Variants in NEURL1B observed in about 807,000 individuals in gnomAD.
NEURL1B encodes the protein neuralized E3 ubiquitin protein ligase 1B, also known as E3 ubiquitin-protein ligase NEURL1B.
A neutral mutation model predicts 37.4 loss-of-function variants in NEURL1B; 13 were observed. The ratio of observed to expected loss-of-function variants is 0.35; its 90% CI spans 0.23 to 0.55. The LOEUF (loss-of-function observed/expected upper bound fraction) is 0.55. NEURL1B is among the 20% of genes least tolerant of loss of function. The pLI is 0.89. For missense variants in NEURL1B, 790 were observed against 879.2 expected (o/e 0.90, Z 1.28); for synonymous variants, 432 against 426.6 (o/e 1.01, Z -0.16).
chr5:172,646,660 C>T lies in NEURL1B; in HGVS notation c.31+5223C>T, dbSNP rs185223575. Among the ~76,000 whole-genome samples the T allele has an allele frequency of 2.2e-3, 342 of 152,228 alleles. 2 individuals carry two copies. Among genetic ancestry groups the T allele is most frequent in the African/African-American group, 7.6e-3 (317 of 41,542 alleles). On this transcript the variant is annotated intron_variant, in intron 1 of 4. Coordinates refer to ENST00000369800, the MANE Select transcript of NEURL1B (RefSeq NM_001142651.3). ...GGACTCAAGTTCTAGCAGGAGAGAC[C>T]GACAAAGACACAGCAGTTACAGTAC...
chr5:172,663,297 TGGATCACAAGGTCA>T (rs1293750140), intron 1 of NEURL1B, among the ~76,000 whole-genome samples: 1 of 151,048 alleles, frequency 6.6e-6, no homozygotes, highest in Non-Finnish European at 1.5e-5. Context: ...CTGAGGCAGG[TGGATCACAAGGTCA>T]GGAGTTCGAA....
At position 172,641,619 on chromosome 5, in the gene NEURL1B, G is replaced by A. The variant is rs988763151; in HGVS notation, c.31+182G>A. ...GCCCCGCGGCTGGGCTTTGCGCCCC[G>A]GGAGGGCGGGTACCGCGTCCTGGTT... On this transcript the variant is annotated intron_variant, in intron 1 of 4. Coordinates refer to ENST00000369800, the MANE Select transcript of NEURL1B (RefSeq NM_001142651.3). The surrounding 1 kb of genome is among the most constrained non-coding windows in gnomAD (Gnocchi z 6.4). 2.0e-5 allele frequency among the ~76,000 whole-genome samples: 3 copies of A among 151,990 alleles called. No homozygotes were observed. The highest frequency in any genetic ancestry group is 2.0e-4 in the East Asian group (1 of 5,128).
intron 1 of NEURL1B, among the ~76,000 whole-genome samples, chr5:172,644,069 G>A (rs1173649881): frequency 1.3e-5 from 2 of 152,112 alleles, no homozygotes; most frequent in Non-Finnish European, 2.9e-5. Flanking sequence ...GCGACACGCT[G>A]TATGTGTAGT....
chr5:172,680,639 A>T (rs1758333482), intron 2 of NEURL1B, among the ~76,000 whole-genome samples: 1 of 152,210 alleles, frequency 6.6e-6, no homozygotes, highest in Admixed American at 6.5e-5. Flanking sequence ...GAAAAAGAGA[A>T]AACTAGAAAA....
intron 3 of NEURL1B, among the ~76,000 whole-genome samples, chr5:172,684,478 TATCC>T (rs1758444060): frequency 1.3e-5 from 2 of 152,204 alleles, no homozygotes; most frequent in African/African-American, 4.8e-5. Flanking sequence ...TGGCAGGCTA[TATCC>T]CCTCGGTAAA....
intron 3 of NEURL1B, 88 bp downstream of exon 3, chr5:172,684,226 C>T (rs1758435779): frequency 3.6e-6 from 4 of 1,096,126 alleles, no homozygotes; most frequent in Admixed American, 4.5e-5. Context: ...CGGCCCCGCC[C>T]CTCTCGCTAG....
rs1056240083 is a variant in NEURL1B, at chr5:172,665,992, ATGAACGTT to A, written c.32-3791_32-3784del. 2.0e-5 allele frequency among the ~76,000 whole-genome samples: 3 copies of A among 152,186 alleles called. No homozygotes were observed. The highest frequency in any genetic ancestry group is 7.2e-5 in the African/African-American group (3 of 41,438). ...GATGAAGAAATGAATGAGCAGTGGA[ATGAACGTT>A]TTGTCTGCTGCCTGTGCCAGTCCAG... On this transcript the variant is annotated intron_variant, in intron 1 of 4. Coordinates refer to ENST00000369800, the MANE Select transcript of NEURL1B (RefSeq NM_001142651.3). This position sits in a 1 kb window ranked among gnomAD's most constrained non-coding sequence, Gnocchi z 4.1.
At position 172,669,771 on chromosome 5, in the gene NEURL1B, G is replaced by C; in HGVS notation, c.32-14G>C. Reference sequence around the variant, plus strand: ...CGGAGGAGGCCTAACCGTGCTGCCTGTGTCTTTCCGCAGACCCGAGCCCAC... The same window carrying C: ...CGGAGGAGGCCTAACCGTGCTGCCTCTGTCTTTCCGCAGACCCGAGCCCAC... On this transcript the variant is annotated splice_polypyrimidine_tract_variant and intron_variant, in intron 1 of 4. Coordinates refer to ENST00000369800, the MANE Select transcript of NEURL1B (RefSeq NM_001142651.3). 8.0e-7 allele frequency: 1 copy of C among 1,252,780 alleles called. No individual in the cohort carries two copies. The highest frequency in any genetic ancestry group is 1.0e-6 in the Non-Finnish European group (1 of 989,622). 77.6% of individuals were successfully genotyped at this position (1,252,780 alleles called of 1,614,324 possible). A position where few individuals can be genotyped will look rare whatever the true frequency, so the allele number is the denominator to read the frequency against.
At position 172,675,128 on chromosome 5, in the gene NEURL1B, C is replaced by T. The variant is rs537966495; in HGVS notation, c.577+4798C>T. Among the ~76,000 whole-genome samples, 48 of 152,268 alleles carry T rather than the reference C, an allele frequency of 3.2e-4. No homozygotes were observed. Among genetic ancestry groups the T allele is most frequent in the African/African-American group, 8.9e-4 (37 of 41,540 alleles). ...CTGACCTCAGGTGATCCGCCCGCCT[C>T]GGCCTCCAAAAGTGCTGGGATTACA... On this transcript the variant is annotated intron_variant, in intron 2 of 4. Transcript: ENST00000369800. This position sits in a 1 kb window ranked among gnomAD's most constrained non-coding sequence, Gnocchi z 4.7.
At chr5:172,646,734 G>C (rs1757568069) in intron 1 of NEURL1B, among the ~76,000 whole-genome samples, 1 of 152,154 alleles carries the variant, frequency 6.6e-6, no homozygotes, top group Non-Finnish European at 1.5e-5. Flanking sequence ...GAAGATGCAG[G>C]GGAGGCTTCC....
intron 1 of NEURL1B, among the ~76,000 whole-genome samples, chr5:172,644,631 T>G (rs1042494412): frequency 6.0e-5 from 9 of 149,028 alleles, no homozygotes; most frequent in Admixed American, 5.4e-4. Flanking sequence ...TGCTCTACAC[T>G]CTCTTTCCAG....
chr5:172,654,989 TTCTC>T (rs1186533627), intron 1 of NEURL1B, among the ~76,000 whole-genome samples: 1 of 151,994 alleles, frequency 6.6e-6, no homozygotes, highest in South Asian at 2.1e-4. Context: ...TTTCTGTCTC[TTCTC>T]TCTCTTTCCC....
rs546071009 is a variant in NEURL1B, at chr5:172,674,523, G to A, written c.577+4193G>A. 7.9e-5 allele frequency among the ~76,000 whole-genome samples: 12 copies of A among 152,120 alleles called. No individual in the cohort carries two copies. The South Asian group carries it at 1.5e-3, about 18-fold the overall frequency. ...AGACTGCTGCGGCAGTATTTAGTTC[G>A]CATTGTGCTCACCTGGGGAGCTTTG... On this transcript the variant is annotated intron_variant, in intron 2 of 4. Coordinates refer to ENST00000369800, the MANE Select transcript of NEURL1B (RefSeq NM_001142651.3).
chr5:172,666,888 T>C (rs1217226682), intron 1 of NEURL1B, among the ~76,000 whole-genome samples: 1 of 152,136 alleles, frequency 6.6e-6, no homozygotes, highest in Non-Finnish European at 1.5e-5. Flanking sequence ...ACCTTGAGCT[T>C]GGGCAGACCC....
At chr5:172,648,709 AT>A (rs1479857020) in intron 1 of NEURL1B, among the ~76,000 whole-genome samples, 1 of 152,256 alleles carries the variant, frequency 6.6e-6, no homozygotes, top group East Asian at 1.9e-4. Flanking sequence ...CTCTGTAAGC[AT>A]TTAGAAATCT....
intron 1 of NEURL1B, among the ~76,000 whole-genome samples, chr5:172,664,791 A>G (rs1206963802): frequency 1.3e-5 from 2 of 152,188 alleles, no homozygotes; most frequent in Non-Finnish European, 2.9e-5. Context: ...TTTTAACTCT[A>G]GTTTTCTTTA....
At chr5:172,684,215 C>A in intron 3 of NEURL1B, 77 bp downstream of exon 3, 1 of 1,119,216 alleles carries the variant, frequency 8.9e-7, no homozygotes, top group Non-Finnish European at 1.1e-6. Context: ...GCGCTCTTCC[C>A]CGGCCCCGCC....
chr5:172,674,773 A>C (rs1455391987), intron 2 of NEURL1B, among the ~76,000 whole-genome samples: 2 of 152,134 alleles, frequency 1.3e-5, no homozygotes, highest in Non-Finnish European at 2.9e-5. Context: ...TCATTGGGCC[A>C]TGTAGACCCT....
Position 172,670,041 on chromosome 5 carries a change from G to T in NEURL1B, c.288G>T (p.Ala96=). 1.3e-6 allele frequency: 2 copies of T among 1,508,194 alleles called. No individual in the cohort carries two copies. The highest frequency in any genetic ancestry group is 2.5e-5 in the South Asian group (2 of 80,676). 93.4% of individuals were successfully genotyped at this position (1,508,194 alleles called of 1,614,324 possible). Residue 96 remains alanine (A), a synonymous_variant, in exon 2 of 5, where the codon GCG becomes GCT. Transcript: ENST00000369800. Reference sequence around the variant, plus strand: ...CCGTGCGCCCTGGCTGGAGCGGCGCGCTGCGCTTCGGCTTCACCGCGCACG... The same window carrying T: ...CCGTGCGCCCTGGCTGGAGCGGCGCTCTGCGCTTCGGCTTCACCGCGCACG... ...LVAVRPGWSG[A]LRFGFTAHDP... is the part of the protein sequence containing the mutation.
Sources: gnomAD v4.1 joint callset for allele counts (sites outside exome capture counted in the v4.1 genomes callset) on GRCh38, gnomAD v4.1.1 for gene constraint, Gnocchi (gnomAD v3.1) non-coding constraint, MANE v1.5 for transcripts, NCBI Gene and HGNC (gene_info 2026-07-23, HGNC 2026-07-21) for gene names.